Variants in KCNK2 observed in about 807,000 individuals in gnomAD.
KCNK2 encodes the protein potassium two pore domain channel subfamily K member 2, also known as potassium channel subfamily K member 2.
Under a neutral mutation model 40.5 loss-of-function variants are expected in KCNK2, and 21 were observed. That is an observed-to-expected ratio of 0.52 (90% CI 0.37 to 0.75). The LOEUF (loss-of-function observed/expected upper bound fraction) is 0.75, where lower values mean the gene tolerates loss of function less well. KCNK2 is among the 30% of genes least tolerant of loss of function. The probability of loss-of-function intolerance (pLI) is 0.00; values close to 1 mark genes in which losing one functional copy is unlikely to be tolerated. For synonymous variants in KCNK2, 191 were observed against 202.2 expected (o/e 0.94, Z 0.47); for missense variants, 399 against 531.6 (o/e 0.75, Z 2.45).
intron 6 of KCNK2, among the ~76,000 whole-genome samples, chr1:215,221,649 A>G (rs1666182634): frequency 6.6e-6 from 1 of 151,966 alleles, no homozygotes; most frequent in Non-Finnish European, 1.5e-5. Context: ...GAGGTGGGGG[A>G]AAGGGAGGGG....
intron 1 of KCNK2, among the ~76,000 whole-genome samples, chr1:215,023,640 T>C (rs1306482643): frequency 6.6e-6 from 1 of 152,240 alleles, no homozygotes; most frequent in Non-Finnish European, 1.5e-5. Flanking sequence ...AACCAGTGAA[T>C]GTCATTGCGT....
intron 1 of KCNK2, among the ~76,000 whole-genome samples, chr1:215,073,932 A>C (rs1324889776): frequency 2.0e-5 from 3 of 152,110 alleles, no homozygotes; most frequent in Non-Finnish European, 4.4e-5. Flanking sequence ...TCCTGAAGGC[A>C]ATGGGAAGCT....
Position 215,034,345 on chromosome 1 carries a change from G to C in KCNK2, c.34+28390G>C, listed in dbSNP as rs1657309815. The stretch of plus-strand genomic sequence containing the variant: ...TCCCCAGCTGATGGGCACTTATGTT[G>C]TTTTCATTTTTTTTTTTTTGCTAGT... On this transcript the variant is annotated intron_variant, in intron 1 of 6. Coordinates refer to the KCNK2 transcript ENST00000391895. Among the ~76,000 whole-genome samples, 7 of 104,188 alleles carry C rather than the reference G, an allele frequency of 6.7e-5. No homozygotes were observed. In the South Asian group the frequency reaches 1.7e-3, roughly 25 times the overall value. 68.4% of individuals were successfully genotyped at this position (104,188 alleles called of 152,430 possible). A position where few individuals can be genotyped will look rare whatever the true frequency, so the allele number is the denominator to read the frequency against.
At chr1:215,221,109 C>T (rs550474592) in intron 6 of KCNK2, among the ~76,000 whole-genome samples, 1 of 152,248 alleles carries the variant, frequency 6.6e-6, no homozygotes, top group Non-Finnish European at 1.5e-5. Context: ...GTGGCTCACA[C>T]CTGTAATCCC....
chr1:215,209,515 A>G (rs1288821627), intron 6 of KCNK2, among the ~76,000 whole-genome samples: 4 of 1,496 alleles, frequency 2.7e-3, no homozygotes, highest in Non-Finnish European at 4.6e-3. Flanking sequence ...ATATATATAA[A>G]ATATAATATA....
intron 6 of KCNK2, among the ~76,000 whole-genome samples, chr1:215,209,484 A>AATATAATATATATTATATATATC (rs1360026366): frequency 5.7e-5 from 2 of 35,258 alleles, no homozygotes; most frequent in Non-Finnish European, 1.4e-4. Flanking sequence ...TATTATATAT[A>AATATAATATATATTATATATATC]ATACATATAT....
intron 2 of KCNK2, among the ~76,000 whole-genome samples, chr1:215,095,329 A>G (rs765592072): frequency 6.6e-6 from 1 of 152,120 alleles, no homozygotes; most frequent in Non-Finnish European, 1.5e-5. Context: ...ACAGTTATAC[A>G]GGAATGCGTG....
chr1:215,156,291 A>G (rs1662921737), intron 3 of KCNK2, among the ~76,000 whole-genome samples: 1 of 152,220 alleles, frequency 6.6e-6, no homozygotes, highest in East Asian at 1.9e-4. Context: ...GGAGCAGCAT[A>G]TGCAGGCCTC....
intron 5 of KCNK2, among the ~76,000 whole-genome samples, chr1:215,193,896 A>G (rs1664762825): frequency 6.6e-6 from 1 of 152,178 alleles, no homozygotes; most frequent in Non-Finnish European, 1.5e-5. Context: ...TATTTTCCAC[A>G]CTGTGCTATT....
At chr1:215,140,752 T>G (rs1355895940) in intron 3 of KCNK2, among the ~76,000 whole-genome samples, 1 of 152,130 alleles carries the variant, frequency 6.6e-6, no homozygotes, top group Non-Finnish European at 1.5e-5. Flanking sequence ...AGGACATTGG[T>G]GCACAATACT....
intron 1 of KCNK2, among the ~76,000 whole-genome samples, chr1:215,073,829 T>A (rs1238761855): frequency 6.6e-6 from 1 of 152,158 alleles, no homozygotes; most frequent in African/African-American, 2.4e-5. Flanking sequence ...CCTTGATAGA[T>A]GTTACTTAAT....
chr1:215,042,496 C>T (rs1294125279), intron 1 of KCNK2, among the ~76,000 whole-genome samples: 1 of 151,902 alleles, frequency 6.6e-6, no homozygotes, highest in Non-Finnish European at 1.5e-5. Flanking sequence ...ATATTCTGGT[C>T]CAAATAAAAT....
At chr1:215,212,756 A>T (rs1349832989) in intron 6 of KCNK2, among the ~76,000 whole-genome samples, 1 of 152,166 alleles carries the variant, frequency 6.6e-6, no homozygotes, top group Non-Finnish European at 1.5e-5. Flanking sequence ...CAAACAACAC[A>T]AGTTTTCTTC....
At chr1:215,126,781 G>T (rs1481500232) in intron 3 of KCNK2, among the ~76,000 whole-genome samples, 1 of 152,054 alleles carries the variant, frequency 6.6e-6, no homozygotes, top group Non-Finnish European at 1.5e-5. Context: ...GGCCCTTTAG[G>T]TAGTTGCCTG....
chr1:215,055,193 A>G (rs751365072), intron 1 of KCNK2, among the ~76,000 whole-genome samples: 73 of 152,312 alleles, frequency 4.8e-4, no homozygotes, highest in Middle Eastern at 3.4e-3. Context: ...GTACACCTCA[A>G]AGAAAGACTT....
intron 6 of KCNK2, among the ~76,000 whole-genome samples, chr1:215,233,809 T>C (rs1246274502): frequency 6.6e-6 from 1 of 152,206 alleles, no homozygotes; most frequent in Admixed American, 6.5e-5. Flanking sequence ...GTCTAGATTA[T>C]TAAATTCTGG....
intron 3 of KCNK2, among the ~76,000 whole-genome samples, chr1:215,158,590 A>AT (rs1372329160): frequency 6.6e-6 from 1 of 151,914 alleles, no homozygotes; most frequent in East Asian, 1.9e-4. Context: ...TCTTTTATTT[A>AT]TTTTTTTCCC....
chr1:215,140,284 C>T (rs1377516570), intron 3 of KCNK2, among the ~76,000 whole-genome samples: 1 of 152,110 alleles, frequency 6.6e-6, no homozygotes. Context: ...ATTCAGTCAT[C>T]TAAATTGTTG....
intron 3 of KCNK2, among the ~76,000 whole-genome samples, chr1:215,136,022 C>T (rs1036833156): frequency 6.6e-5 from 10 of 152,156 alleles, no homozygotes; most frequent in Non-Finnish European, 1.0e-4. Context: ...CGTTAGCCAC[C>T]GTGCCTGGCC....
Sources: allele counts gnomAD v4.1 joint callset (sites outside exome capture counted in the v4.1 genomes callset), GRCh38; gene constraint gnomAD v4.1.1; transcripts MANE v1.5; gene names NCBI Gene and HGNC (gene_info 2026-07-23, HGNC 2026-07-21).